The following DNAJC24 variants were observed in gnomAD, a reference collection of about 807,000 sequenced individuals.
The protein encoded by DNAJC24 is dnaJ homolog subfamily C member 24.
DNAJC24 carries 17 observed loss-of-function variants against 18.0 expected under a neutral mutation model. The ratio of observed to expected loss-of-function variants is 0.94; its 90% confidence interval spans 0.65 to 1.42. DNAJC24 has a LOEUF of 1.42. Ranked by LOEUF, DNAJC24 falls within the 40% of genes most tolerant of loss-of-function variation. The pLI is 0.00. For synonymous variants in DNAJC24, 55 were observed against 57.7 expected (o/e 0.95, Z 0.21); for missense variants, 158 against 175.6 (o/e 0.90, Z 0.57).
At chr11:31,414,503 A>G (rs1468283728) in intron 2 of DNAJC24, among the ~76,000 whole-genome samples, 1 of 152,034 alleles carries the variant, frequency 6.6e-6, no homozygotes, top group African/African-American at 2.4e-5. Flanking sequence ...ACCTATTTCT[A>G]TTTGTGTTAG....
intron 4 of DNAJC24, 130 bp downstream of exon 4, chr11:31,426,485 G>A (rs1488611595): frequency 1.8e-6 from 1 of 540,698 alleles, no homozygotes; most frequent in South Asian, 3.0e-5. Flanking sequence ...TATGTGGTAA[G>A]TGTTTCTGTC....
intron 2 of DNAJC24, among the ~76,000 whole-genome samples, chr11:31,380,565 T>G (rs1325998286): frequency 6.6e-6 from 1 of 152,160 alleles, no homozygotes; most frequent in Non-Finnish European, 1.5e-5. Flanking sequence ...GAAACTAGGG[T>G]GATAGTTGTT....
chr11:31,382,439 A>G lies in DNAJC24; in HGVS notation c.111+11580A>G, dbSNP rs145493876. Among the ~76,000 whole-genome samples the G allele has an allele frequency of 9.2e-5, 14 of 152,354 alleles. No individual in the cohort carries two copies. The East Asian group carries it at 2.5e-3, about 27-fold the overall frequency. On this transcript the variant is annotated intron_variant, in intron 2 of 4. Coordinates refer to ENST00000465995, the MANE Select transcript of DNAJC24 (RefSeq NM_181706.5). ...TAATTTATCATCATCAGTAGAAATTATGTACAAGATGCATTTAAAGAATCA... is the reference window on the plus strand; with the variant it reads ...TAATTTATCATCATCAGTAGAAATTGTGTACAAGATGCATTTAAAGAATCA...
chr11:31,400,540 A>G (rs1952590763), intron 2 of DNAJC24, among the ~76,000 whole-genome samples: 1 of 152,238 alleles, frequency 6.6e-6, no homozygotes, highest in South Asian at 2.1e-4. Context: ...ATACAGATCA[A>G]TGGAACAGAA....
chr11:31,393,387 A>G (rs1952516850), intron 2 of DNAJC24, among the ~76,000 whole-genome samples: 1 of 152,144 alleles, frequency 6.6e-6, no homozygotes, highest in Non-Finnish European at 1.5e-5. Flanking sequence ...AAAGCAGGCA[A>G]GGTGTGCTGT....
At chr11:31,422,604 T>C (rs1362083551) in intron 3 of DNAJC24, among the ~76,000 whole-genome samples, 1 of 152,228 alleles carries the variant, frequency 6.6e-6, no homozygotes, top group African/African-American at 2.4e-5. Flanking sequence ...TAAAATGTTT[T>C]ATTACAAGAG....
chr11:31,429,595 TC>T, intron 4 of DNAJC24: 1 of 345,498 alleles, frequency 2.9e-6, no homozygotes, highest in Non-Finnish European at 6.4e-6. Flanking sequence ...ATTTCCACGA[TC>T]AGGAGCCTAA....
chr11:31,387,120 C>T (rs1255624260), intron 2 of DNAJC24, among the ~76,000 whole-genome samples: 3 of 152,176 alleles, frequency 2.0e-5, no homozygotes, highest in South Asian at 2.1e-4. Context: ...ATTCCAACTC[C>T]GGGCCCTGGT....
At chr11:31,379,794 G>A (rs911793069) in intron 2 of DNAJC24, among the ~76,000 whole-genome samples, 1 of 151,598 alleles carries the variant, frequency 6.6e-6, no homozygotes, top group Non-Finnish European at 1.5e-5. Flanking sequence ...GTCTCACCCT[G>A]TCGTCCAGGC....
intron 4 of DNAJC24, chr11:31,427,565 T>C (rs1952874547): frequency 6.6e-6 from 1 of 152,146 alleles, no homozygotes; most frequent in Non-Finnish European, 1.5e-5. Flanking sequence ...CACATATGTA[T>C]ATATACACAC....
chr11:31,419,506 TCATTGG>T (rs948449729), intron 3 of DNAJC24, among the ~76,000 whole-genome samples: 36 of 152,090 alleles, frequency 2.4e-4, no homozygotes, highest in Admixed American at 5.2e-4. Context: ...GGATCATTTC[TCATTGG>T]TTTTGAGTAA....
At chr11:31,389,339 CAAAA>C (rs943834673) in intron 2 of DNAJC24, among the ~76,000 whole-genome samples, 31 of 151,288 alleles carry the variant, frequency 2.0e-4, no homozygotes, top group African/African-American at 5.6e-4. Context: ...AACAAACAAA[CAAAA>C]AAAGAGTAAA....
intron 2 of DNAJC24, chr11:31,396,281 A>G (rs1359751633): frequency 2.2e-6 from 1 of 454,250 alleles, no homozygotes; most frequent in Non-Finnish European, 4.4e-6. Flanking sequence ...TTTCTTTTCC[A>G]GGATCTATTC....
intron 3 of DNAJC24, among the ~76,000 whole-genome samples, chr11:31,423,314 G>T (rs1023571229): frequency 6.6e-6 from 1 of 152,180 alleles, no homozygotes; most frequent in Non-Finnish European, 1.5e-5. Flanking sequence ...AGGCTGGAGT[G>T]CAATGGCGGG....
chr11:31,416,119 C>G (rs1952749540), intron 3 of DNAJC24: 1 of 152,080 alleles, frequency 6.6e-6, no homozygotes, highest in African/African-American at 2.4e-5. Flanking sequence ...GGCTTTACTA[C>G]TTTTTAAAAG....
intron 3 of DNAJC24, among the ~76,000 whole-genome samples, chr11:31,421,201 G>C (rs1415463537): frequency 6.6e-6 from 1 of 152,118 alleles, no homozygotes; most frequent in Non-Finnish European, 1.5e-5. Context: ...CAAGGAAACT[G>C]ATTATGTTCA....
At chr11:31,372,546 G>A (rs1211267735) in intron 2 of DNAJC24, among the ~76,000 whole-genome samples, 2 of 135,454 alleles carry the variant, frequency 1.5e-5, no homozygotes, top group African/African-American at 5.0e-5. Context: ...AGTTAATTGG[G>A]AAATGAACCT....
At chr11:31,391,022 TC>T (rs1487345652) in intron 2 of DNAJC24, among the ~76,000 whole-genome samples, 1 of 152,168 alleles carries the variant, frequency 6.6e-6, no homozygotes, top group East Asian at 1.9e-4. Context: ...GTGGGATTTA[TC>T]CCTCGGATGC....
intron 2 of DNAJC24, among the ~76,000 whole-genome samples, chr11:31,377,540 A>G (rs552438412): frequency 1.3e-5 from 2 of 152,222 alleles, no homozygotes; most frequent in East Asian, 1.9e-4. Context: ...GACTTTACTT[A>G]TTAGTAAATC....
Sources: allele counts gnomAD v4.1 joint callset (sites outside exome capture counted in the v4.1 genomes callset), GRCh38; gene constraint gnomAD v4.1.1; transcripts MANE v1.5; gene names NCBI Gene and HGNC (gene_info 2026-07-23, HGNC 2026-07-21).